Variants in LRP1B observed in about 807,000 individuals in gnomAD.
The protein encoded by LRP1B is LDL receptor related protein 1B, also known as low-density lipoprotein receptor-related protein 1B.
A neutral mutation model predicts 556.6 loss-of-function variants in LRP1B; 217 were observed. The observed-to-expected ratio is 0.39, with a 90% CI of 0.35 to 0.44. The LOEUF is 0.44. LRP1B is among the 20% of genes least tolerant of loss of function. The pLI, the probability that LRP1B is intolerant of heterozygous loss-of-function variation, is 1.00. For missense variants in LRP1B, 5,053 were observed against 5,620.8 expected (o/e 0.90, Z 3.23); for synonymous variants, 2,047 against 1,865.8 (o/e 1.10, Z -2.50).
At chr2:142,055,024 T>G (rs906983432) in intron 1 of LRP1B, among the ~76,000 whole-genome samples, 1 of 152,128 alleles carries the variant, frequency 6.6e-6, no homozygotes, top group Non-Finnish European at 1.5e-5. Flanking sequence ...AAAACATCAT[T>G]CATTCCGTCT....
At chr2:141,962,229 A>G (rs115371598) in intron 1 of LRP1B, among the ~76,000 whole-genome samples, 323 of 148,770 alleles carry the variant, frequency 2.2e-3, no homozygotes, top group Non-Finnish European at 3.4e-3. Flanking sequence ...TCATTCATCA[A>G]TCCTTCTCAC....
At chr2:141,506,960 A>T (rs1487889377) in intron 2 of LRP1B, among the ~76,000 whole-genome samples, 1 of 152,110 alleles carries the variant, frequency 6.6e-6, no homozygotes, top group African/African-American at 2.4e-5. Context: ...CTCTTTTGCC[A>T]ATTCTAATGA....
chr2:141,017,270 A>G (rs968745328), intron 12 of LRP1B, among the ~76,000 whole-genome samples: 3 of 152,008 alleles, frequency 2.0e-5, no homozygotes, highest in African/African-American at 4.8e-5. Flanking sequence ...TATAAAAGTG[A>G]AATATGCAAT....
chr2:140,667,883 C>A (rs1685335332), intron 41 of LRP1B, among the ~76,000 whole-genome samples: 1 of 152,150 alleles, frequency 6.6e-6, no homozygotes, highest in Admixed American at 6.5e-5. Context: ...AGTCACAAAT[C>A]ATACTGTGTT....
chr2:142,081,234 A>G (rs527248146), intron 1 of LRP1B, among the ~76,000 whole-genome samples: 1 of 152,224 alleles, frequency 6.6e-6, no homozygotes, highest in South Asian at 2.1e-4. Context: ...TAAGAACAAG[A>G]AAACCTCAAG....
At chr2:141,179,082 A>C (rs1279643467) in intron 7 of LRP1B, among the ~76,000 whole-genome samples, 1 of 152,084 alleles carries the variant, frequency 6.6e-6, no homozygotes, top group Non-Finnish European at 1.5e-5. Context: ...CAATTAATAA[A>C]TTTATATGGA....
chr2:141,890,738 C>G (rs1246437291), intron 1 of LRP1B, among the ~76,000 whole-genome samples: 2 of 152,056 alleles, frequency 1.3e-5, no homozygotes, highest in African/African-American at 4.8e-5. Flanking sequence ...TATTGACCTT[C>G]TAAGTATCTG....
At chr2:140,592,640 C>T (rs759453993) in intron 43 of LRP1B, among the ~76,000 whole-genome samples, 56 of 151,422 alleles carry the variant, frequency 3.7e-4, no homozygotes, top group Middle Eastern at 6.8e-3. Context: ...AAGAAGACAG[C>T]GTAGATATAT....
At chr2:141,260,922 C>A (rs1274639116) in intron 3 of LRP1B, among the ~76,000 whole-genome samples, 1 of 151,908 alleles carries the variant, frequency 6.6e-6, no homozygotes, top group Non-Finnish European at 1.5e-5. Context: ...TAGGTGTGTG[C>A]AAAAATGCCT....
At chr2:140,924,677 G>A (rs1055975645) in intron 20 of LRP1B, among the ~76,000 whole-genome samples, 1 of 152,044 alleles carries the variant, frequency 6.6e-6, no homozygotes, top group African/African-American at 2.4e-5. Context: ...ATAAAGCATT[G>A]AGTTTTGGCT....
intron 7 of LRP1B, among the ~76,000 whole-genome samples, chr2:141,132,002 C>T (rs1029888998): frequency 6.6e-6 from 1 of 151,966 alleles, no homozygotes; most frequent in Non-Finnish European, 1.5e-5. Flanking sequence ...ACTCTTGCCC[C>T]AGAGCCTCCA....
chr2:141,604,635 T>C (rs774386382), intron 2 of LRP1B, among the ~76,000 whole-genome samples: 33 of 152,304 alleles, frequency 2.2e-4, no homozygotes, highest in Middle Eastern at 3.4e-3. Context: ...TAAACTGTCA[T>C]GCCCACTTTT....
chr2:140,592,272 C>A (rs556931953), intron 43 of LRP1B, among the ~76,000 whole-genome samples: 1 of 152,076 alleles, frequency 6.6e-6, no homozygotes, highest in Admixed American at 6.5e-5. Context: ...AGTTAAGAAC[C>A]ATAATTGGCA....
chr2:141,532,680 AG>A (rs1684927803), intron 2 of LRP1B, among the ~76,000 whole-genome samples: 1 of 152,178 alleles, frequency 6.6e-6, no homozygotes, highest in African/African-American at 2.4e-5. Flanking sequence ...AGAGACTCAC[AG>A]TGTACAGTCA....
intron 1 of LRP1B, among the ~76,000 whole-genome samples, chr2:142,018,645 A>T (rs1052683410): frequency 2.0e-5 from 3 of 152,154 alleles, no homozygotes; most frequent in African/African-American, 4.8e-5. Flanking sequence ...GACATAAAAA[A>T]TTTTATTTGC....
chr2:140,885,300 G>C (rs1324614798), intron 24 of LRP1B, among the ~76,000 whole-genome samples: 1 of 151,296 alleles, frequency 6.6e-6, no homozygotes, highest in Non-Finnish European at 1.5e-5. Flanking sequence ...CTTGTCCTTG[G>C]AATGGTACAT....
intron 3 of LRP1B, among the ~76,000 whole-genome samples, chr2:141,296,166 A>G (rs1686177155): frequency 6.6e-6 from 1 of 152,196 alleles, no homozygotes; most frequent in Non-Finnish European, 1.5e-5. Flanking sequence ...TAAGGAATTT[A>G]GTGATAAGCT....
intron 2 of LRP1B, among the ~76,000 whole-genome samples, chr2:141,686,714 G>C (rs1691318969): frequency 6.6e-6 from 1 of 151,908 alleles, no homozygotes; most frequent in African/African-American, 2.4e-5. Flanking sequence ...TCCCCAATGT[G>C]GCAGAGGTGA....
chr2:140,334,416 T>C, intron 79 of LRP1B, 37 bp downstream of exon 79: 1 of 1,285,408 alleles, frequency 7.8e-7, no homozygotes, highest in African/African-American at 1.5e-5. Flanking sequence ...ATACTTGTCA[T>C]TCTGCTTCAT....
Sources: gnomAD v4.1 joint callset for allele counts (sites outside exome capture counted in the v4.1 genomes callset) on GRCh38, gnomAD v4.1.1 for gene constraint, MANE v1.5 for transcripts, NCBI Gene and HGNC (gene_info 2026-07-23, HGNC 2026-07-21) for gene names.